The following TMEM207 variants were observed in gnomAD, a reference collection of about 807,000 sequenced individuals.
The protein encoded by TMEM207 is transmembrane protein 207.
In TMEM207, 15 loss-of-function variants were observed where a neutral mutation model predicts 17.4. That is an observed-to-expected ratio of 0.86 (90% CI 0.58 to 1.33). The LOEUF (loss-of-function observed/expected upper bound fraction) is 1.33. TMEM207 is among the 40% of genes most tolerant of loss of function. The pLI, the probability that TMEM207 is intolerant of heterozygous loss-of-function variation, is 0.00. For synonymous variants in TMEM207, 70 were observed against 65.6 expected, an observed-to-expected ratio of 1.07 and a Z score of -0.33; for missense variants, 205 against 173.8, an observed-to-expected ratio of 1.18 and a Z score of -1.01.
At chr3:190,435,321 G>A (rs999294108) in intron 4 of TMEM207, among the ~76,000 whole-genome samples, 1 of 152,124 alleles carries the variant, frequency 6.6e-6, no homozygotes, top group Non-Finnish European at 1.5e-5. Flanking sequence ...TTTACTTTGT[G>A]CCTGTCTGTG....
At position 190,447,872 on chromosome 3, in the gene TMEM207, TCTAATC is replaced by T. The variant is rs1720084963; in HGVS notation, c.76-51_76-46del. On this transcript the variant is annotated intron_variant, in intron 1 of 4. Coordinates refer to ENST00000354905, the MANE Select transcript of TMEM207 (RefSeq NM_207316.3). Reference sequence around the variant, plus strand: ...CAATAAAATCCAAACATCTCATCAGTCTAATCCTTTAATACAAGCAGCGCCTAGAGA... The same window carrying T: ...CAATAAAATCCAAACATCTCATCAGTCTTTAATACAAGCAGCGCCTAGAGA... 6 of 1,573,086 alleles carry T rather than the reference TCTAATC, an allele frequency of 3.8e-6. No homozygotes were observed. In the East Asian group the frequency reaches 1.4e-4, roughly 36 times the overall value.
intron 2 of TMEM207, among the ~76,000 whole-genome samples, chr3:190,442,617 A>G (rs1467665786): frequency 6.6e-6 from 1 of 151,996 alleles, no homozygotes; most frequent in Non-Finnish European, 1.5e-5. Context: ...TTTTCTGTTT[A>G]TTTGCTCTTT....
intron 2 of TMEM207, among the ~76,000 whole-genome samples, chr3:190,445,980 A>G (rs900599115): frequency 1.3e-5 from 2 of 152,112 alleles, no homozygotes; most frequent in African/African-American, 4.8e-5. Context: ...TCCATGTTTC[A>G]TGTTTTTACT....
intron 4 of TMEM207, among the ~76,000 whole-genome samples, chr3:190,434,004 G>A (rs905108838): frequency 2.0e-5 from 3 of 152,056 alleles, no homozygotes; most frequent in Non-Finnish European, 4.4e-5. Context: ...AGTTCCCTGA[G>A]GCCTCCCCAG....
chr3:190,429,990 C>G (rs1240245535), intron 4 of TMEM207, among the ~76,000 whole-genome samples: 1 of 152,094 alleles, frequency 6.6e-6, no homozygotes, highest in Non-Finnish European at 1.5e-5. Flanking sequence ...AATTTAGGAG[C>G]TGAAACTAGA....
At chr3:190,432,099 G>C (rs1719704316) in intron 4 of TMEM207, among the ~76,000 whole-genome samples, 1 of 152,096 alleles carries the variant, frequency 6.6e-6, no homozygotes, top group African/African-American at 2.4e-5. Flanking sequence ...AAATCCTATA[G>C]TTTTTACAGA....
At position 190,449,765 on chromosome 3, in the gene TMEM207, C is replaced by T. The variant is rs370666341; in HGVS notation, c.45G>A (p.Thr15=). The T allele has an allele frequency of 6.8e-5, 110 of 1,613,712 alleles. No individual in the cohort carries two copies. The highest frequency in any genetic ancestry group is 8.3e-5 in the Non-Finnish European group (98 of 1,179,816). Residue 15 remains threonine (T), a synonymous_variant, in exon 1 of 5, where the codon ACG becomes ACA. Coordinates refer to ENST00000354905, the MANE Select transcript of TMEM207 (RefSeq NM_207316.3). ...ATAGCGGCAAACACAAGATCCCTAT[C>T]GTTGAGATCGCTGAGGTGACACTGA... ...RLFSVTSAIS[T]IGILCLPLFQ...
chr3:190,439,743 A>G (rs994438834), intron 4 of TMEM207, among the ~76,000 whole-genome samples: 1 of 152,198 alleles, frequency 6.6e-6, no homozygotes, highest in Non-Finnish European at 1.5e-5. Context: ...ATGAAAGGGC[A>G]TGAAAATTGA....
In TMEM207 at chr3:190,429,673, G is replaced by T. The variant is rs556711437; in HGVS notation, c.363C>A (p.Asp121Glu). ...VGIHLQTQTP[D>E]LYPVPAPCFG... ...AACATGGAGCAGGAACAGGATATAG[G>T]TCAGGGGTTTGAGTTTGAAGGTGAA... The change falls in exon 5 of 5, where the codon GAC becomes GAA. Residue 121 changes from aspartate to glutamate, a missense_variant. Physicochemically the swap from Asp to Glu is conservative, Grantham distance 45. Transcript: ENST00000354905. The T allele has an allele frequency of 1.9e-6, 3 of 1,613,210 alleles. No homozygotes were observed. The South Asian group carries it at 3.3e-5, about 18-fold the overall frequency.
intron 4 of TMEM207, among the ~76,000 whole-genome samples, chr3:190,437,767 T>C (rs1193054896): frequency 6.6e-6 from 1 of 152,006 alleles, no homozygotes; most frequent in Admixed American, 6.5e-5. Flanking sequence ...CAAAGGACTA[T>C]AAATCATGCT....
intron 4 of TMEM207, 101 bp from the exon 5 acceptor site, chr3:190,429,832 C>G: frequency 7.4e-7 from 1 of 1,343,606 alleles, no homozygotes; most frequent in Non-Finnish European, 9.9e-7. Context: ...ATCGCTGAAG[C>G]AACAGAAAAT....
chr3:190,444,616 T>C (rs1456777050), intron 2 of TMEM207, among the ~76,000 whole-genome samples: 3 of 152,188 alleles, frequency 2.0e-5, no homozygotes. Flanking sequence ...AAAATTTGAA[T>C]TGAACTGTAG....
intron 2 of TMEM207, among the ~76,000 whole-genome samples, chr3:190,446,555 C>G (rs1394910810): frequency 1.3e-5 from 2 of 151,974 alleles, no homozygotes; most frequent in Non-Finnish European, 2.9e-5. Context: ...TAATGATAAC[C>G]ATTACAGACA....
At chr3:190,438,299 C>CTT (rs535891750) in intron 4 of TMEM207, among the ~76,000 whole-genome samples, 13,220 of 141,480 alleles carry the variant, frequency 0.093, 695 homozygotes, top group Non-Finnish European at 0.13. Flanking sequence ...GTTTTTTTTT[C>CTT]TTTTTTTTTT....
At chr3:190,446,377 G>A (rs948637344) in intron 2 of TMEM207, among the ~76,000 whole-genome samples, 1 of 152,104 alleles carries the variant, frequency 6.6e-6, no homozygotes, top group Non-Finnish European at 1.5e-5. Context: ...ACTGTCTTGC[G>A]ATAACAAAAG....
intron 4 of TMEM207, among the ~76,000 whole-genome samples, chr3:190,439,139 G>T (rs1205420779): frequency 7.3e-5 from 10 of 137,178 alleles, no homozygotes; most frequent in East Asian, 6.7e-4. Flanking sequence ...ATCGCGCCAC[G>T]GCACTCCCGC....
rs186536207 is a variant in TMEM207 at position 190,428,831 on chromosome 3, G to A, written c.*764C>T. The A allele has an allele frequency of 2.0e-5, 3 of 152,280 alleles. No homozygotes were observed. Among genetic ancestry groups the A allele is most frequent in the South Asian group, 2.1e-4 (1 of 4,828 alleles). The allele number at this position is 152,280 out of a possible 1,614,324, so 9.4% of individuals were successfully genotyped here. A position where few individuals can be genotyped will look rare whatever the true frequency, so the allele number is the denominator to read the frequency against. On this transcript the variant is annotated 3_prime_UTR_variant, in exon 5 of 5. Transcript: ENST00000354905. ...CCTCATGGGAACAGATACCTATGCC[G>A]AAGGTTCTTAGCATGATGCTGCAAT...
chr3:190,429,672 G>A lies in TMEM207; in HGVS notation c.364C>T (p.Leu122=). 6.2e-7 allele frequency: 1 copy of A among 1,613,164 alleles called. No homozygotes were observed. Among genetic ancestry groups the A allele is most frequent in the Middle Eastern group, 1.7e-4 (1 of 6,052 alleles). Residue 122 remains leucine, a synonymous_variant, in exon 5 of 5, where the codon CTA becomes TTA. Coordinates refer to ENST00000354905, the MANE Select transcript of TMEM207 (RefSeq NM_207316.3). Reference sequence around the variant, plus strand: ...AAACATGGAGCAGGAACAGGATATAGGTCAGGGGTTTGAGTTTGAAGGTGA... The same window carrying A: ...AAACATGGAGCAGGAACAGGATATAAGTCAGGGGTTTGAGTTTGAAGGTGA... ...GIHLQTQTPD[L]YPVPAPCFGP...
chr3:190,443,145 C>CTTTTTTTTTTTTTTTTTTTTTTTTT (rs201791052), intron 2 of TMEM207, among the ~76,000 whole-genome samples: 5 of 140,328 alleles, frequency 3.6e-5, no homozygotes, highest in African/African-American at 7.8e-5. Flanking sequence ...ATTAAAAAAG[C>CTTTTTTTTTTTTTTTTTTTTTTTTT]TTTTTTTTTT....
Sources: allele counts gnomAD v4.1 joint callset (sites outside exome capture counted in the v4.1 genomes callset), GRCh38; gene constraint gnomAD v4.1.1; transcripts MANE v1.5; gene names NCBI Gene and HGNC (gene_info 2026-07-23, HGNC 2026-07-21).